Variants in SCLT1 observed in about 807,000 individuals in gnomAD.
SCLT1 encodes sodium channel-associated protein 1.
A neutral mutation model predicts 112.8 loss-of-function variants in SCLT1; 78 were observed. The ratio of observed to expected loss-of-function variants is 0.69; its 90% CI spans 0.58 to 0.83. The LOEUF is 0.83. SCLT1 is among the 40% of genes least tolerant of loss of function. SCLT1 has a pLI of 0.00. For missense variants in SCLT1, 747 were observed against 770.4 expected (o/e 0.97, Z 0.36); for synonymous variants, 257 against 254.7 (o/e 1.01, Z -0.09).
intron 5 of SCLT1, among the ~76,000 whole-genome samples, chr4:129,026,856 T>C (rs1263936946): frequency 6.6e-6 from 1 of 152,040 alleles, no homozygotes; most frequent in Non-Finnish European, 1.5e-5. Context: ...CAATAAAAAA[T>C]GATAAAGGGG....
chr4:128,983,966 G>A (rs537882993), intron 9 of SCLT1, among the ~76,000 whole-genome samples: 3 of 152,192 alleles, frequency 2.0e-5, no homozygotes, highest in East Asian at 1.9e-4. Context: ...ACTCTCTTCC[G>A]TAAAAGAAGC....
intron 2 of SCLT1, among the ~76,000 whole-genome samples, chr4:129,068,479 T>G (rs780972824): frequency 7.2e-5 from 11 of 152,228 alleles, no homozygotes; most frequent in Non-Finnish European, 1.3e-4. Context: ...TTAGTAATGT[T>G]GAGCACTTTT....
At chr4:129,066,419 A>T (rs1029705373) in intron 2 of SCLT1, among the ~76,000 whole-genome samples, 1 of 152,076 alleles carries the variant, frequency 6.6e-6, no homozygotes, top group African/African-American at 2.4e-5. Context: ...TGACATTACT[A>T]CCAAATGTTA....
At chr4:128,873,777 T>C (rs550080818) in intron 5 of SCLT1, 3 of 152,544 alleles carry the variant, frequency 2.0e-5, no homozygotes, top group African/African-American at 7.2e-5. Context: ...TCTGTTTCCA[T>C]ATGGCAGGGA....
intron 17 of SCLT1, among the ~76,000 whole-genome samples, chr4:128,937,167 A>G (rs974919452): frequency 2.6e-5 from 4 of 151,806 alleles, no homozygotes. Context: ...AATCCCAGCT[A>G]CTCAGGAGGC....
rs756527243 is a variant in SCLT1, at chr4:128,943,172, A to G, written c.1456T>C (p.Ser486Pro). 9 of 1,607,846 alleles carry G rather than the reference A, an allele frequency of 5.6e-6. No homozygotes were observed. In the African/African-American group the frequency reaches 9.4e-5, roughly 17 times the overall value. Residue 486 changes from serine (S) to proline (P), a missense_variant, in exon 17 of 21, where the codon TCA becomes CCA. Around this residue, in one of 2 missense-constraint regions of SCLT1, gnomAD observed 723 missense variants for 721.3 expected, o/e 1.00. Transcript: ENST00000281142. ...TTCTGAATCATTTCTTGGTAACGTG[A>G]TATTTCTTCTGAGGAGCTGATTAAA... is the stretch of plus-strand genomic sequence containing the variant. Reference protein sequence around the residue: ...QLETDSSEEISRYQEMIQKLQ... With the variant: ...QLETDSSEEIPRYQEMIQKLQ...
chr4:129,021,892 G>A (rs1745511538), intron 5 of SCLT1, among the ~76,000 whole-genome samples: 1 of 152,182 alleles, frequency 6.6e-6, no homozygotes, highest in Non-Finnish European at 1.5e-5. Flanking sequence ...CCCAACAGGG[G>A]CTGACAGACA....
At chr4:128,896,281 A>AC (rs1208506333) in intron 18 of SCLT1, among the ~76,000 whole-genome samples, 2 of 152,012 alleles carry the variant, frequency 1.3e-5, no homozygotes, top group Non-Finnish European at 2.9e-5. Flanking sequence ...ACTGGGAGGT[A>AC]CCCCCCAGTA....
intron 18 of SCLT1, among the ~76,000 whole-genome samples, chr4:128,902,781 A>AT (rs1206486124): frequency 6.6e-6 from 1 of 152,160 alleles, no homozygotes; most frequent in Non-Finnish European, 1.5e-5. Context: ...AAAATTTTTA[A>AT]TTTTTTAACT....
intron 18 of SCLT1, among the ~76,000 whole-genome samples, chr4:128,920,621 G>A (rs1735810117): frequency 6.6e-6 from 1 of 152,136 alleles, no homozygotes; most frequent in Non-Finnish European, 1.5e-5. Flanking sequence ...ATCCCCTCAT[G>A]TTAAAAACCC....
chr4:128,896,159 T>C (rs1188439182), intron 18 of SCLT1, among the ~76,000 whole-genome samples: 2 of 152,224 alleles, frequency 1.3e-5, no homozygotes, highest in African/African-American at 4.8e-5. Flanking sequence ...CAGACTTAAA[T>C]GTCCCTGTCT....
chr4:129,076,541 T>A (rs1286304556), intron 2 of SCLT1, among the ~76,000 whole-genome samples: 3 of 152,108 alleles, frequency 2.0e-5, no homozygotes, highest in African/African-American at 7.2e-5. Flanking sequence ...ATAAACTTAT[T>A]TTTAGTATTC....
At chr4:128,950,214 A>G (rs1018274374) in intron 14 of SCLT1, among the ~76,000 whole-genome samples, 3 of 152,042 alleles carry the variant, frequency 2.0e-5, no homozygotes, top group Non-Finnish European at 4.4e-5. Flanking sequence ...CTCCCATGTG[A>G]TTTTTAATAT....
intron 18 of SCLT1, among the ~76,000 whole-genome samples, chr4:128,895,872 G>A (rs1354540504): frequency 1.3e-5 from 2 of 152,176 alleles, no homozygotes; most frequent in Admixed American, 6.5e-5. Context: ...CTTAGCAAAC[G>A]GCACACCAGG....
intron 2 of SCLT1, among the ~76,000 whole-genome samples, chr4:129,078,387 T>C (rs1561059616): frequency 6.6e-6 from 1 of 152,116 alleles, no homozygotes. Context: ...GGCTTTAAAA[T>C]AAAAATTTTT....
intron 2 of SCLT1, among the ~76,000 whole-genome samples, chr4:129,052,453 G>A (rs1332380846): frequency 6.6e-6 from 1 of 152,048 alleles, no homozygotes; most frequent in Non-Finnish European, 1.5e-5. Context: ...TTATTCTTGG[G>A]AGGGTGTATG....
chr4:128,936,998 G>C (rs1191078861), intron 17 of SCLT1, 147 bp from the exon 18 acceptor site: 2 of 443,508 alleles, frequency 4.5e-6, no homozygotes, highest in Non-Finnish European at 7.8e-6. Flanking sequence ...ATCAAGTTTG[G>C]TCAGGTGCGG....
In SCLT1 at chr4:129,003,839, A is replaced by T; in HGVS notation, c.328T>A (p.Leu110Met). ...SELKDAVEKK[L>M]EAFPLGTEVG... ...TCTGTGCCCAGGGGAAAGGCCTCCAATTTTTTTTCAACAGCATCTTTTAAT... is the reference window on the plus strand; with the variant it reads ...TCTGTGCCCAGGGGAAAGGCCTCCATTTTTTTTTCAACAGCATCTTTTAAT... Residue 110 changes from leucine to methionine, a missense_variant, in exon 6 of 21, where the codon TTG becomes ATG. Leu to Met is a conservative substitution (Grantham distance 15). Around this residue, in one of 2 missense-constraint regions of SCLT1, gnomAD observed 723 missense variants for 721.3 expected, o/e 1.00. Coordinates refer to ENST00000281142, the MANE Select transcript of SCLT1 (RefSeq NM_144643.4). The T allele has an allele frequency of 1.2e-6, 2 of 1,603,150 alleles. No homozygotes were observed. Among genetic ancestry groups the T allele is most frequent in the Admixed American group, 1.7e-5 (1 of 59,360 alleles).
At chr4:128,897,117 G>A (rs970699430) in intron 18 of SCLT1, among the ~76,000 whole-genome samples, 2 of 152,138 alleles carry the variant, frequency 1.3e-5, no homozygotes, top group Non-Finnish European at 2.9e-5. Flanking sequence ...TTATCCAGGA[G>A]AACTTCCCCA....
Sources: gnomAD v4.1 joint callset for allele counts (sites outside exome capture counted in the v4.1 genomes callset) on GRCh38, gnomAD v4.1.1 for gene constraint, gnomAD v4.1.1 regional missense constraint, MANE v1.5 for transcripts, NCBI Gene and HGNC (gene_info 2026-07-23, HGNC 2026-07-21) for gene names.